The following CPQ variants were observed in gnomAD, a reference collection of about 807,000 sequenced individuals.
The protein encoded by CPQ is carboxypeptidase Q, also known as Ser-Met dipeptidase.
A neutral mutation model predicts 45.7 loss-of-function variants in CPQ; 37 were observed. That is an observed-to-expected ratio of 0.81 (90% confidence interval 0.62 to 1.07). The LOEUF is 1.07. Ranked by LOEUF, CPQ falls within the 50% of genes least tolerant of loss-of-function variation. The pLI, the probability that CPQ is intolerant of heterozygous loss-of-function variation, is 0.00. For missense variants in CPQ, 537 were observed against 572.9 expected (o/e 0.94, Z 0.64); for synonymous variants, 186 against 205.8 (o/e 0.90, Z 0.82).
At chr8:96,841,936 T>C (rs1811618127) in intron 3 of CPQ, among the ~76,000 whole-genome samples, 1 of 152,156 alleles carries the variant, frequency 6.6e-6, no homozygotes, top group Admixed American at 6.5e-5. Flanking sequence ...ATGACATAAT[T>C]GAAGCAATGG....
intron 5 of CPQ, among the ~76,000 whole-genome samples, chr8:96,980,640 T>G (rs993068410): frequency 6.6e-6 from 1 of 152,186 alleles, no homozygotes; most frequent in Non-Finnish European, 1.5e-5. Flanking sequence ...GTATCAACTC[T>G]CAGCTCTCGA....
chr8:96,731,112 A>G (rs1338843927), intron 1 of CPQ, among the ~76,000 whole-genome samples: 1 of 151,918 alleles, frequency 6.6e-6, no homozygotes, highest in Non-Finnish European at 1.5e-5. Flanking sequence ...GAAGAGTAGG[A>G]CTATTTGAAA....
chr8:96,661,374 G>A (rs927162720), intron 1 of CPQ, among the ~76,000 whole-genome samples: 5 of 151,936 alleles, frequency 3.3e-5, no homozygotes, highest in South Asian at 2.1e-4. Flanking sequence ...TTGTATTAGC[G>A]TTCACTCTTG....
At chr8:96,930,655 C>T (rs1812962094) in intron 4 of CPQ, among the ~76,000 whole-genome samples, 1 of 152,188 alleles carries the variant, frequency 6.6e-6, no homozygotes, top group Non-Finnish European at 1.5e-5. Flanking sequence ...ACTTTTCAGT[C>T]ACTGAAGAAT....
intron 7 of CPQ, among the ~76,000 whole-genome samples, chr8:97,123,100 T>TAAATA (rs1180429427): frequency 8.1e-5 from 3 of 37,172 alleles, no homozygotes; most frequent in East Asian, 1.4e-3. Context: ...TAAAATAAAA[T>TAAATA]AAATAAAATA....
rs376935590 is a variant in CPQ at position 96,684,435 on chromosome 8, T to C, written c.-35+39033T>C. On this transcript the variant is annotated intron_variant, in intron 1 of 7. Coordinates refer to ENST00000220763, the MANE Select transcript of CPQ (RefSeq NM_016134.4). ...GGGTACCAGTGGTGTTGGTGAGGCA[T>C]GCCTGTCCTCAAGTCCCTGATGGTG... Among the ~76,000 whole-genome samples the C allele has an allele frequency of 7.2e-5, 11 of 152,350 alleles. No individual in the cohort carries two copies. In the East Asian group the frequency reaches 2.1e-3, roughly 29 times the overall value.
chr8:97,138,817 A>G (rs1054456921), intron 7 of CPQ, among the ~76,000 whole-genome samples: 18 of 152,112 alleles, frequency 1.2e-4, no homozygotes, highest in Non-Finnish European at 4.4e-5. Flanking sequence ...ACTTATTAAG[A>G]TGAATATGTA....
intron 6 of CPQ, among the ~76,000 whole-genome samples, chr8:97,034,044 A>G (rs940653737): frequency 1.3e-5 from 2 of 152,176 alleles, no homozygotes; most frequent in African/African-American, 4.8e-5. Flanking sequence ...CTCAATTATT[A>G]TAATACGTGC....
chr8:96,761,669 A>G (rs997905503), intron 1 of CPQ, among the ~76,000 whole-genome samples: 1 of 152,160 alleles, frequency 6.6e-6, no homozygotes, highest in African/African-American at 2.4e-5. Context: ...CACATCATTT[A>G]TCATCTCTAA....
chr8:96,928,122 G>A (rs1326759529), intron 4 of CPQ, among the ~76,000 whole-genome samples: 1 of 152,062 alleles, frequency 6.6e-6, no homozygotes, highest in Non-Finnish European at 1.5e-5. Flanking sequence ...TCATTTTATG[G>A]GTTGACTGTG....
At chr8:96,668,696 T>C (rs1259448040) in intron 1 of CPQ, among the ~76,000 whole-genome samples, 3 of 152,104 alleles carry the variant, frequency 2.0e-5, no homozygotes, top group African/African-American at 4.8e-5. Context: ...ACATTATATA[T>C]ATAAAACAAA....
At position 96,960,225 on chromosome 8, in the gene CPQ, A is replaced by G. The variant is rs549251651; in HGVS notation, c.850-5710A>G. On this transcript the variant is annotated intron_variant, in intron 4 of 7. Transcript: ENST00000220763. ...TTAATACTTTTTAATATGCTTCTGG[A>G]TTCAATTATTGCAGATTTTTACAAT... is the stretch of plus-strand genomic sequence containing the variant. 1.8e-4 allele frequency among the ~76,000 whole-genome samples: 27 copies of G among 152,160 alleles called. No individual in the cohort carries two copies. In the South Asian group the frequency reaches 5.6e-3, roughly 32 times the overall value.
At chr8:96,709,581 T>A (rs1014191263) in intron 1 of CPQ, among the ~76,000 whole-genome samples, 1 of 152,182 alleles carries the variant, frequency 6.6e-6, no homozygotes, top group African/African-American at 2.4e-5. Flanking sequence ...GTCTTTTTGA[T>A]ATAATGACTT....
At chr8:97,137,763 A>T (rs1360048208) in intron 7 of CPQ, among the ~76,000 whole-genome samples, 1 of 152,160 alleles carries the variant, frequency 6.6e-6, no homozygotes, top group African/African-American at 2.4e-5. Context: ...CTCCTTCTCT[A>T]CTAAAAATAC....
chr8:97,039,609 A>G, intron 6 of CPQ, among the ~76,000 whole-genome samples: 1 of 151,682 alleles, frequency 6.6e-6, no homozygotes, highest in East Asian at 1.9e-4. Flanking sequence ...CATTAGGTAT[A>G]TCTCCTAATG....
intron 2 of CPQ, 50 bp downstream of exon 2, chr8:96,785,380 C>G (rs2130809360): frequency 7.0e-7 from 1 of 1,435,648 alleles, no homozygotes; most frequent in East Asian, 2.3e-5. Flanking sequence ...ACTAATGTCC[C>G]TTGGTGTAAT....
chr8:96,917,460 T>G (rs991112328), intron 4 of CPQ, among the ~76,000 whole-genome samples: 8 of 152,124 alleles, frequency 5.3e-5, no homozygotes, highest in Admixed American at 5.2e-4. Context: ...GTTTTTGGTC[T>G]TTTTTAGCCC....
chr8:96,907,774 C>T (rs1163562366), intron 4 of CPQ, among the ~76,000 whole-genome samples: 1 of 151,936 alleles, frequency 6.6e-6, no homozygotes, highest in Non-Finnish European at 1.5e-5. Flanking sequence ...TTTTAGGGTT[C>T]TCCTCCTGTA....
At chr8:96,668,004 T>TA (rs1410804847) in intron 1 of CPQ, among the ~76,000 whole-genome samples, 3 of 152,044 alleles carry the variant, frequency 2.0e-5, no homozygotes, top group Non-Finnish European at 4.4e-5. Flanking sequence ...GGCATAAATT[T>TA]AAAAAAAAGT....
Sources: gnomAD v4.1 joint callset for allele counts (sites outside exome capture counted in the v4.1 genomes callset) on GRCh38, gnomAD v4.1.1 for gene constraint, MANE v1.5 for transcripts, NCBI Gene and HGNC (gene_info 2026-07-23, HGNC 2026-07-21) for gene names.